CNN2: variants seen among roughly 807,000 people sequenced by gnomAD.
The protein encoded by CNN2 is calponin 2, also known as calponin-2.
CNN2 carries 21 observed loss-of-function variants against 31.0 expected under a neutral mutation model. The ratio of observed to expected loss-of-function variants is 0.68; its 90% confidence interval spans 0.48 to 0.98. The LOEUF is 0.98. Ranked by LOEUF, CNN2 falls within the 50% of genes least tolerant of loss-of-function variation. The pLI is 0.00. For synonymous variants in CNN2, 165 were observed against 179.6 expected (o/e 0.92, Z 0.65); for missense variants, 399 against 427.3 (o/e 0.93, Z 0.58).
At chr19:1,030,812 G>A (rs916281106) in intron 1 of CNN2, 1 of 356,886 alleles carries the variant, frequency 2.8e-6, no homozygotes. Context: ...GTGGATTAGA[G>A]CTGATGTTTA....
chr19:1,036,342 T>C, intron 5 of CNN2, 74 bp from the exon 6 acceptor site: 1 of 1,584,714 alleles, frequency 6.3e-7, no homozygotes, highest in Non-Finnish European at 8.6e-7. Context: ...TGGAGCCCTG[T>C]GGTCCCTCAA....
In CNN2 at chr19:1,031,057, C is replaced by A; in HGVS notation, c.64-14C>A. 1 of 1,609,714 alleles carries A rather than the reference C, an allele frequency of 6.2e-7. No individual in the cohort carries two copies. The highest frequency in any genetic ancestry group is 8.5e-7 in the Non-Finnish European group (1 of 1,177,748). ...CCCCAGCCCAGCTCAGTCTCGTGCC[C>A]TTTGCTCCACCAGCTCCTGTCCAAA... On this transcript the variant is annotated splice_polypyrimidine_tract_variant and intron_variant, in intron 1 of 6. Coordinates refer to ENST00000263097, the MANE Select transcript of CNN2 (RefSeq NM_004368.4).
In CNN2 at chr19:1,032,624, C is replaced by A; in HGVS notation, c.318C>A (p.Phe106Leu). The change falls in exon 4 of 7, where the codon TTC becomes TTA. Residue 106 changes from phenylalanine (F) to leucine (L), a missense_variant. Physicochemically the swap from Phe to Leu is conservative, Grantham distance 22. Transcript: ENST00000263097. Reference sequence around the variant, plus strand: ...ACGGCATGAACCCTGTGGACCTGTTCGAGGCCAACGACCTGTTTGAGAGTG... The same window carrying A: ...ACGGCATGAACCCTGTGGACCTGTTAGAGGCCAACGACCTGTTTGAGAGTG... ...VSYGMNPVDL[F>L]EANDLFESGN... 2 of 1,612,762 alleles carry A rather than the reference C, an allele frequency of 1.2e-6. No individual in the cohort carries two copies. The highest frequency in any genetic ancestry group is 1.1e-5 in the South Asian group (1 of 91,048).
chr19:1,028,485 G>T (rs907307638), intron 1 of CNN2, among the ~76,000 whole-genome samples: 7 of 152,076 alleles, frequency 4.6e-5, no homozygotes, highest in Non-Finnish European at 8.8e-5. Flanking sequence ...AACAGCCAGA[G>T]ACCCGCCCCC....
chr19:1,036,296 G>A (rs757418873), intron 5 of CNN2, 50 bp downstream of exon 5: 25 of 1,565,300 alleles, frequency 1.6e-5, no homozygotes, highest in South Asian at 1.2e-5. Flanking sequence ...GGGGGACCAC[G>A]GTGTTGGGGG....
At position 1,026,739 on chromosome 19, in the gene CNN2, C is replaced by T. The variant is rs1274133409; in HGVS notation, c.63+15C>T. 9 of 1,546,450 alleles carry T rather than the reference C, an allele frequency of 5.8e-6. No homozygotes were observed. Among genetic ancestry groups the T allele is most frequent in the Admixed American group, 2.0e-5 (1 of 50,886 alleles). On this transcript the variant is annotated intron_variant, in intron 1 of 6. Coordinates refer to ENST00000263097, the MANE Select transcript of CNN2 (RefSeq NM_004368.4). ...TCAAGAACCGGGTGAGTGAGGGGCG[C>T]CCCTTGTCCCCCCGACAGCGCGGCC...
At position 1,036,177 on chromosome 19, in the gene CNN2, C is replaced by T; in HGVS notation, c.438C>T (p.Tyr146=). ...GCGGGGTGGACATTGGCGTCAAGTA[C>T]TCGGAGAAGCAGGAGCGGAATTTCG... ...LQSGVDIGVK[Y]SEKQERNFDD... The change falls in exon 5 of 7, where the codon TAC becomes TAT. Residue 146 remains tyrosine, a synonymous_variant. Coordinates refer to ENST00000263097, the MANE Select transcript of CNN2 (RefSeq NM_004368.4). The T allele has an allele frequency of 6.2e-7, 1 of 1,612,576 alleles. No homozygotes were observed. The highest frequency in any genetic ancestry group is 1.7e-4 in the Middle Eastern group (1 of 5,964).
At chr19:1,032,230 G>A (rs1478993185) in intron 2 of CNN2, among the ~76,000 whole-genome samples, 162 bp from the exon 3 acceptor site, 2 of 118,670 alleles carry the variant, frequency 1.7e-5, no homozygotes, top group African/African-American at 3.7e-5. Flanking sequence ...GCTAGACGCC[G>A]TCTCAAAAAA....
At chr19:1,028,183 C>T (rs1028821647) in intron 1 of CNN2, among the ~76,000 whole-genome samples, 4 of 148,274 alleles carry the variant, frequency 2.7e-5, no homozygotes, top group African/African-American at 9.9e-5. Flanking sequence ...GGGCCAAGAC[C>T]GGAACCCAGT....
chr19:1,026,956 A>G, intron 1 of CNN2: 1 of 481,272 alleles, frequency 2.1e-6, no homozygotes, highest in Non-Finnish European at 3.7e-6. Context: ...CGAGTGACCC[A>G]TTCCCCCCCC....
Position 1,032,712 on chromosome 19 carries a change from G to T in CNN2, c.390+16G>T. The T allele has an allele frequency of 6.3e-7, 1 of 1,588,592 alleles. No homozygotes were observed. The highest frequency in any genetic ancestry group is 8.6e-7 in the Non-Finnish European group (1 of 1,162,674). ...GGCGGGGAAGGTGAGGCCCAGAGAG[G>T]GGCAGCCACCTGCCCAGAGTCACAC... On this transcript the variant is annotated intron_variant, in intron 4 of 6. Coordinates refer to ENST00000263097, the MANE Select transcript of CNN2 (RefSeq NM_004368.4).
In CNN2 at chr19:1,037,617, C is replaced by T; in HGVS notation, c.655-8C>T. 4 of 1,609,784 alleles carry T rather than the reference C, an allele frequency of 2.5e-6. No individual in the cohort carries two copies. Among genetic ancestry groups the T allele is most frequent in the East Asian group, 2.2e-5 (1 of 44,854 alleles). ...CCATGACCTGCTCCACCCCTCCTTC[C>T]TCTCCAGGTGGGCATGACGGCTCCC... On this transcript the variant is annotated splice_polypyrimidine_tract_variant and splice_region_variant and intron_variant, in intron 6 of 6. Coordinates refer to ENST00000263097, the MANE Select transcript of CNN2 (RefSeq NM_004368.4).
At chr19:1,026,776 C>T in intron 1 of CNN2, 52 bp downstream of exon 1, 1 of 1,525,766 alleles carries the variant, frequency 6.6e-7, no homozygotes, top group Non-Finnish European at 8.8e-7. Context: ...TCGCACGCTC[C>T]GACCGGTGCA....
chr19:1,031,133 C>T lies in CNN2; in HGVS notation c.126C>T (p.Thr42=), dbSNP rs775531381. 4 of 1,613,270 alleles carry T rather than the reference C, an allele frequency of 2.5e-6. No individual in the cohort carries two copies. The highest frequency in any genetic ancestry group is 2.2e-5 in the East Asian group (1 of 44,866). The change falls in exon 2 of 7, where the codon ACC becomes ACT. Residue 42 remains threonine, a synonymous_variant. Transcript: ENST00000263097. ...AELRTWIEGL[T]GLSIGPDFQK... The stretch of plus-strand genomic sequence containing the variant: ...TCCGCACCTGGATCGAGGGACTCAC[C>T]GGCCTCTCCATCGGCCCCGACTTCC...
Position 1,036,180 on chromosome 19 carries a change from G to C in CNN2, c.441G>C (p.Ser147=), listed in dbSNP as rs775263514. The C allele has an allele frequency of 6.2e-7, 1 of 1,612,194 alleles. No homozygotes were observed. Among genetic ancestry groups the C allele is most frequent in the Non-Finnish European group, 8.5e-7 (1 of 1,179,196 alleles). The change falls in exon 5 of 7, where the codon TCG becomes TCC. Residue 147 remains serine (S), a synonymous_variant. Transcript: ENST00000263097. ...GGGTGGACATTGGCGTCAAGTACTC[G>C]GAGAAGCAGGAGCGGAATTTCGACG... ...QSGVDIGVKY[S]EKQERNFDDA...
chr19:1,030,487 C>G (rs910888393), intron 1 of CNN2, among the ~76,000 whole-genome samples: 83 of 152,102 alleles, frequency 5.5e-4, no homozygotes, highest in African/African-American at 1.9e-3. Context: ...TGAGCTGGGC[C>G]TGGTGGCGGG....
chr19:1,031,975 A>T (rs1468319862), intron 2 of CNN2, among the ~76,000 whole-genome samples: 1 of 151,810 alleles, frequency 6.6e-6, no homozygotes. Context: ...CACGCTTGTA[A>T]TCCCAGCACT....
chr19:1,035,200 CGGTGTCTGGTGT>C (rs2039561191), intron 4 of CNN2, among the ~76,000 whole-genome samples: 1 of 139,848 alleles, frequency 7.2e-6, no homozygotes, highest in Non-Finnish European at 1.6e-5. Context: ...GGGTGGGACA[CGGTGTCTGGTGT>C]AGACCGGGAG....
chr19:1,031,867 C>G (rs887545018), intron 2 of CNN2, among the ~76,000 whole-genome samples: 2 of 151,996 alleles, frequency 1.3e-5, no homozygotes, highest in Admixed American at 1.3e-4. Context: ...ATCTGCCTGC[C>G]TCGGCCTTCC....
Sources: allele counts gnomAD v4.1 joint callset (sites outside exome capture counted in the v4.1 genomes callset), GRCh38; gene constraint gnomAD v4.1.1; transcripts MANE v1.5; gene names NCBI Gene and HGNC (gene_info 2026-07-23, HGNC 2026-07-21).